The following UMODL1 variants were observed in gnomAD, a reference collection of about 807,000 sequenced individuals.
UMODL1 encodes the protein uromodulin-like 1.
In UMODL1, 128 loss-of-function variants were observed where a neutral mutation model predicts 136.3. The ratio of observed to expected loss-of-function variants is 0.94; its 90% CI spans 0.81 to 1.09. UMODL1 has a LOEUF of 1.09. Among genes scored for constraint, UMODL1 ranks in the 50% least tolerant of loss-of-function variants. The pLI is 0.00. For missense variants in UMODL1, 1,766 were observed against 1,725.6 expected (o/e 1.02, Z -0.41); for synonymous variants, 721 against 720.0 (o/e 1.00, Z -0.02).
At chr21:42,103,535 T>C in intron 8 of UMODL1, 1 of 416,798 alleles carries the variant, frequency 2.4e-6, no homozygotes, top group East Asian at 6.3e-5. Flanking sequence ...AATCAGTCTT[T>C]CTCACACGCT....
rs2066937833 is a variant in UMODL1, at chr21:42,119,185, C to A, written c.2550C>A (p.Val850=). The A allele has an allele frequency of 2.5e-6, 4 of 1,614,204 alleles. No individual in the cohort carries two copies. Among genetic ancestry groups the A allele is most frequent in the Non-Finnish European group, 3.4e-6 (4 of 1,180,026 alleles). Residue 850 remains valine (V), a synonymous_variant, in exon 15 of 23, where the codon GTC becomes GTA. Transcript: ENST00000408910. ...GGGTCAGGATGGAAGTCGTCAGCGT[C>A]ACCAACGGCAGCATCGTGGTGGAGT... is the stretch of plus-strand genomic sequence containing the variant. ...AGGVRMEVVS[V]TNGSIVVEFH...
intron 9 of UMODL1, 72 bp downstream of exon 9, chr21:42,104,159 G>A: frequency 6.9e-7 from 1 of 1,446,124 alleles, no homozygotes; most frequent in South Asian, 1.3e-5. Context: ...CTTTATTTGA[G>A]TCAGTCTTTC....
intron 14 of UMODL1, among the ~76,000 whole-genome samples, chr21:42,117,631 G>A (rs1338871091): frequency 1.3e-5 from 2 of 152,182 alleles, no homozygotes; most frequent in Admixed American, 1.3e-4. Context: ...GTGGCCTGTC[G>A]TGGTAATACC....
At position 42,129,719 on chromosome 21, in the gene UMODL1, A is replaced by G. The variant is rs1404766396; in HGVS notation, c.3697A>G (p.Asn1233Asp). The change falls in exon 21 of 23, where the codon AAT becomes GAT. Residue 1233 changes from asparagine to aspartate, a missense_variant. Transcript: ENST00000408910. The part of the protein sequence containing the change: ...SPGATCKINC[N>D]NFRLLQNSET... ...CTTGGAAAAAAAAAAACAGAATTGCAATAACTTTCGGTTGCTGCAAAATAG... is the reference window on the plus strand; with the variant it reads ...CTTGGAAAAAAAAAAACAGAATTGCGATAACTTTCGGTTGCTGCAAAATAG... 1.9e-6 allele frequency: 3 copies of G among 1,575,552 alleles called. No individual in the cohort carries two copies. Among genetic ancestry groups the G allele is most frequent in the Middle Eastern group, 1.7e-4 (1 of 5,892 alleles).
intron 7 of UMODL1, chr21:42,101,713 GT>G (rs1569155061): frequency 2.2e-6 from 1 of 456,592 alleles, no homozygotes; most frequent in Non-Finnish European, 4.4e-6. Context: ...GGCAGAGTAC[GT>G]TCTTGAGAAG....
At chr21:42,083,352 C>T (rs902675606) in intron 2 of UMODL1, among the ~76,000 whole-genome samples, 2 of 152,224 alleles carry the variant, frequency 1.3e-5, no homozygotes, top group African/African-American at 2.4e-5. Context: ...TCTTCTCTTA[C>T]ACCCCATCCC....
chr21:42,126,322 C>T, intron 17 of UMODL1, 23 bp from the exon 18 acceptor site: 1 of 1,613,358 alleles, frequency 6.2e-7, no homozygotes, highest in Non-Finnish European at 8.5e-7. Context: ...CTGGGAGCTC[C>T]TCATGCTCCG....
chr21:42,071,694 A>G (rs1248701513), intron 1 of UMODL1, among the ~76,000 whole-genome samples: 2 of 152,024 alleles, frequency 1.3e-5, no homozygotes, highest in African/African-American at 4.8e-5. Flanking sequence ...TCTGGGGTGC[A>G]GGGCCTGGAA....
chr21:42,088,676 C>T (rs545636290), intron 5 of UMODL1, among the ~76,000 whole-genome samples, 196 bp downstream of exon 5: 3 of 152,288 alleles, frequency 2.0e-5, no homozygotes, highest in South Asian at 4.2e-4. Context: ...CCTGTAAATT[C>T]CAAGTCCCCA....
chr21:42,100,818 C>A (rs1399394746), intron 7 of UMODL1, among the ~76,000 whole-genome samples: 2 of 56,644 alleles, frequency 3.5e-5, no homozygotes, highest in Non-Finnish European at 7.1e-5. Flanking sequence ...CCTCCCCACC[C>A]CAGCAACCCC....
At chr21:42,115,119 G>T (rs1458044706) in intron 13 of UMODL1, among the ~76,000 whole-genome samples, 3 of 152,230 alleles carry the variant, frequency 2.0e-5, no homozygotes, top group Non-Finnish European at 4.4e-5. Flanking sequence ...CCCCTGAGGG[G>T]AGAGCTGTGT....
chr21:42,089,504 G>A lies in UMODL1; in HGVS notation c.791-794G>A, dbSNP rs117608859. On this transcript the variant is annotated intron_variant, in intron 5 of 22. Coordinates refer to ENST00000408910, the MANE Select transcript of UMODL1 (RefSeq NM_001004416.3). The stretch of plus-strand genomic sequence containing the variant: ...AGTTGAGTTTATTATTCGAGGCAGC[G>A]AGGGAGAACCCACACCATGGAGAAC... Among the ~76,000 whole-genome samples, 186 of 152,348 alleles carry A rather than the reference G, an allele frequency of 1.2e-3. 1 individual carries two copies. The highest frequency in any genetic ancestry group is 2.8e-3 in the Admixed American group (43 of 15,304).
In UMODL1 at chr21:42,127,821, C is replaced by G; in HGVS notation, c.3680C>G (p.Thr1227Arg). 1 of 1,610,986 alleles carries G rather than the reference C, an allele frequency of 6.2e-7. No individual in the cohort carries two copies. Among genetic ancestry groups the G allele is most frequent in the South Asian group, 1.1e-5 (1 of 90,260 alleles). Reference sequence around the variant, plus strand: ...GTCTGCATGGAATCCCCCGGAGCCACGTGCAAAATCGTAAGTGTTTTTTGG... The same window carrying G: ...GTCTGCATGGAATCCCCCGGAGCCAGGTGCAAAATCGTAAGTGTTTTTTGG... ...LRVCMESPGA[T>R]CKINCNNFRL... The change falls in exon 20 of 23, where the codon ACG becomes AGG. Residue 1227 changes from threonine to arginine, a missense_variant. Physicochemically the swap from Thr to Arg is moderately conservative, Grantham distance 71 (BLOSUM62 -1). Transcript: ENST00000408910.
intron 1 of UMODL1, among the ~76,000 whole-genome samples, chr21:42,065,024 A>G (rs2066171839): frequency 2.0e-5 from 3 of 152,136 alleles, no homozygotes; most frequent in African/African-American, 7.2e-5. Context: ...GGGAATGTAC[A>G]CCTTCTCTCT....
rs370611149 is a variant in UMODL1 at position 42,138,396 on chromosome 21, C to T, written c.*21+755C>T. 2.0e-3 allele frequency among the ~76,000 whole-genome samples: 298 copies of T among 152,180 alleles called. 1 individual carries two copies. Among genetic ancestry groups the T allele is most frequent in the Middle Eastern group, 6.8e-3 (2 of 294 alleles). On this transcript the variant is annotated intron_variant, in intron 22 of 22. Transcript: ENST00000408910. ...ACCTTGCTGCTCATGCCCGCAGCCC[C>T]GACTTATGTATGACCTTTTGAGGCT...
At chr21:42,074,231 T>C (rs937746340) in intron 1 of UMODL1, among the ~76,000 whole-genome samples, 4 of 152,206 alleles carry the variant, frequency 2.6e-5, no homozygotes, top group African/African-American at 9.6e-5. Context: ...TGGTGTTCCT[T>C]GACAGGTAGA....
chr21:42,090,558 A>C (rs2066480350), intron 6 of UMODL1, 120 bp downstream of exon 6: 1 of 1,288,906 alleles, frequency 7.8e-7, no homozygotes, highest in Non-Finnish European at 1.0e-6. Flanking sequence ...GCCATGAAAT[A>C]TCTTGCTTTT....
At chr21:42,072,859 C>G (rs1444608111) in intron 1 of UMODL1, among the ~76,000 whole-genome samples, 1 of 152,224 alleles carries the variant, frequency 6.6e-6, no homozygotes, top group Non-Finnish European at 1.5e-5. Context: ...CTCTGATGGC[C>G]CTTGTGGGTC....
chr21:42,115,945 G>A lies in UMODL1; in HGVS notation c.2435G>A (p.Ser812Asn), dbSNP rs1204138742. ...TCAGAATCCTTTCGCAACGCAAGCAGCCAGGAGTATCGAGATTTCCTAGAA... is the reference window on the plus strand; with the variant it reads ...TCAGAATCCTTTCGCAACGCAAGCAACCAGGAGTATCGAGATTTCCTAGAA... ...RYSESFRNASSQEYRDFLELF... is the reference protein window; with the variant it reads ...RYSESFRNASNQEYRDFLELF... Residue 812 changes from serine (S) to asparagine (N), a missense_variant, in exon 14 of 23, where the codon AGC becomes AAC. Ser to Asn is a conservative substitution (Grantham distance 46, BLOSUM62 1). Coordinates refer to ENST00000408910, the MANE Select transcript of UMODL1 (RefSeq NM_001004416.3). The A allele has an allele frequency of 6.2e-7, 1 of 1,613,858 alleles. No individual in the cohort carries two copies. The highest frequency in any genetic ancestry group is 1.3e-5 in the African/African-American group (1 of 74,888).
Sources: gnomAD v4.1 joint callset for allele counts (sites outside exome capture counted in the v4.1 genomes callset) on GRCh38, gnomAD v4.1.1 for gene constraint, MANE v1.5 for transcripts, NCBI Gene and HGNC (gene_info 2026-07-23, HGNC 2026-07-21) for gene names.